OSBPL1A: variants seen among roughly 807,000 people sequenced by gnomAD.
The protein encoded by OSBPL1A is oxysterol binding protein like 1A.
In OSBPL1A, 80 loss-of-function variants were observed where a neutral mutation model predicts 137.1. The ratio of observed to expected loss-of-function variants is 0.58; its 90% CI spans 0.49 to 0.70. OSBPL1A has a LOEUF of 0.70. Among genes scored for constraint, OSBPL1A ranks in the 30% least tolerant of loss-of-function variants. The probability of loss-of-function intolerance (pLI) is 0.00; values close to 1 mark genes in which losing one functional copy is unlikely to be tolerated. For missense variants in OSBPL1A, 970 were observed against 1,129.4 expected (o/e 0.86, Z 2.02); for synonymous variants, 365 against 389.7 (o/e 0.94, Z 0.75).
chr18:24,326,219 G>A (rs1005267157), intron 7 of OSBPL1A, among the ~76,000 whole-genome samples: 3 of 152,166 alleles, frequency 2.0e-5, no homozygotes, highest in Non-Finnish European at 4.4e-5. Flanking sequence ...TGCTTCTGGG[G>A]ACAATGTGGA....
chr18:24,392,828 C>A (rs1378370853), intron 1 of OSBPL1A, among the ~76,000 whole-genome samples: 1 of 152,104 alleles, frequency 6.6e-6, no homozygotes, highest in Non-Finnish European at 1.5e-5. Flanking sequence ...GTAGCTGGGA[C>A]CACAGGTGCA....
intron 16 of OSBPL1A, among the ~76,000 whole-genome samples, chr18:24,235,099 A>G (rs2088421652): frequency 6.6e-6 from 1 of 152,184 alleles, no homozygotes; most frequent in African/African-American, 2.4e-5. Context: ...AAGTGCAATG[A>G]GAAACCACTG....
chr18:24,179,921 A>G, intron 19 of OSBPL1A, 86 bp from the exon 20 acceptor site: 1 of 989,270 alleles, frequency 1.0e-6, no homozygotes, highest in Non-Finnish European at 1.6e-6. Flanking sequence ...TGAAGACAGT[A>G]ATTTACAGAA....
At chr18:24,357,017 G>C (rs2091548154) in intron 4 of OSBPL1A, 1 of 152,212 alleles carries the variant, frequency 6.6e-6, no homozygotes, top group Admixed American at 6.5e-5. Flanking sequence ...ATGGACAAGA[G>C]TATACATGTA....
chr18:24,179,507 C>T (rs1440791642), intron 20 of OSBPL1A, among the ~76,000 whole-genome samples: 1 of 151,432 alleles, frequency 6.6e-6, no homozygotes, highest in Non-Finnish European at 1.5e-5. Flanking sequence ...GGTGATTAAT[C>T]CCATGTGATC....
chr18:24,284,070 T>C (rs1241177148), intron 14 of OSBPL1A, among the ~76,000 whole-genome samples: 1 of 152,192 alleles, frequency 6.6e-6, no homozygotes, highest in Non-Finnish European at 1.5e-5. Context: ...GACAAGCTAA[T>C]GTTAAAACAA....
At chr18:24,258,149 G>T (rs188574593) in intron 15 of OSBPL1A, among the ~76,000 whole-genome samples, 1 of 152,128 alleles carries the variant, frequency 6.6e-6, no homozygotes, top group Admixed American at 6.5e-5. Context: ...AGCAGTATAC[G>T]GAAGAGATAT....
At chr18:24,285,435 T>C (rs2090051658) in intron 14 of OSBPL1A, among the ~76,000 whole-genome samples, 1 of 152,230 alleles carries the variant, frequency 6.6e-6, no homozygotes. Flanking sequence ...TTTATATTAC[T>C]ATAGGTTGGT....
At chr18:24,358,290 G>A (rs185025227) in intron 4 of OSBPL1A, 10 of 595,982 alleles carry the variant, frequency 1.7e-5, no homozygotes, top group African/African-American at 1.5e-4. Flanking sequence ...GTGTATAAAG[G>A]CCTGGCTGCT....
chr18:24,333,084 G>A lies in OSBPL1A; in HGVS notation c.483C>T (p.Leu161=). 1 of 1,612,486 alleles carries A rather than the reference G, an allele frequency of 6.2e-7. No homozygotes were observed. Among genetic ancestry groups the A allele is most frequent in the Non-Finnish European group, 8.5e-7 (1 of 1,179,278 alleles). Reference sequence around the variant, plus strand: ...TAACATCAGGAGGATTGGGCCTGTTGAGCTAACAATTAAAAAAATGCAATG... The same window carrying A: ...TAACATCAGGAGGATTGGGCCTGTTAAGCTAACAATTAAAAAAATGCAATG... The part of the protein sequence containing the change: ...EGKTTELTAL[L]NRPNPPDVNC... Residue 161 remains leucine (L), a splice_region_variant and synonymous_variant, in exon 7 of 28, where the codon CTC becomes CTT. Coordinates refer to ENST00000319481, the MANE Select transcript of OSBPL1A (RefSeq NM_080597.4).
At chr18:24,220,275 GA>G (rs1347616158) in intron 17 of OSBPL1A, among the ~76,000 whole-genome samples, 1 of 152,188 alleles carries the variant, frequency 6.6e-6, no homozygotes, top group East Asian at 1.9e-4. Flanking sequence ...CTATTCCTCT[GA>G]AAGCTTCTCA....
chr18:24,310,061 GAAA>G (rs1204969640), intron 13 of OSBPL1A, among the ~76,000 whole-genome samples: 145 of 104,320 alleles, frequency 1.4e-3, no homozygotes, highest in Non-Finnish European at 2.4e-3. Context: ...AAAAAAAAAA[GAAA>G]AAAAAAAAAA....
At chr18:24,363,596 G>A (rs904118091) in intron 4 of OSBPL1A, among the ~76,000 whole-genome samples, 1 of 151,184 alleles carries the variant, frequency 6.6e-6, no homozygotes, top group African/African-American at 2.4e-5. Context: ...ACAGGAGTAT[G>A]CCACCACATC....
At chr18:24,250,423 G>A (rs1163135331) in intron 15 of OSBPL1A, among the ~76,000 whole-genome samples, 5 of 152,080 alleles carry the variant, frequency 3.3e-5, no homozygotes, top group Non-Finnish European at 5.9e-5. Flanking sequence ...TGATCCACCC[G>A]CCTCAGCCTC....
At chr18:24,277,202 T>C (rs1004981044) in intron 15 of OSBPL1A, among the ~76,000 whole-genome samples, 1 of 151,958 alleles carries the variant, frequency 6.6e-6, no homozygotes, top group Non-Finnish European at 1.5e-5. Flanking sequence ...ATCTCTGTAT[T>C]AAGGCACAGA....
At chr18:24,240,460 G>C (rs765587485) in intron 15 of OSBPL1A, among the ~76,000 whole-genome samples, 14 of 152,150 alleles carry the variant, frequency 9.2e-5, no homozygotes, top group Non-Finnish European at 1.6e-4. Flanking sequence ...TACTGGATTT[G>C]ATAGGGACAG....
At chr18:24,327,757 T>A (rs1485742963) in intron 7 of OSBPL1A, among the ~76,000 whole-genome samples, 1 of 152,164 alleles carries the variant, frequency 6.6e-6, no homozygotes, top group African/African-American at 2.4e-5. Flanking sequence ...CTGACTTTTG[T>A]CAAAAACAAA....
At chr18:24,339,682 C>T (rs1375857334) in intron 5 of OSBPL1A, among the ~76,000 whole-genome samples, 2 of 152,216 alleles carry the variant, frequency 1.3e-5, no homozygotes, top group Non-Finnish European at 2.9e-5. Context: ...GACAGTACCT[C>T]ATCCTCCCTA....
rs1346961832 is a variant in OSBPL1A, at chr18:24,341,757, A to C, written c.283-99T>G. ...AACTACTACAGAGTCTCCACAATAG[A>C]AAAAAGCACCAGGTGAGAATGTATC... On this transcript the variant is annotated intron_variant, in intron 4 of 27. Coordinates refer to ENST00000319481, the MANE Select transcript of OSBPL1A (RefSeq NM_080597.4). 4.4e-6 allele frequency: 3 copies of C among 675,202 alleles called. No homozygotes were observed. In the African/African-American group the frequency reaches 5.5e-5, roughly 12 times the overall value. 41.8% of individuals were successfully genotyped at this position (675,202 alleles called of 1,614,324 possible). A position where few individuals can be genotyped will look rare whatever the true frequency, so the allele number is the denominator to read the frequency against.
Sources: gnomAD v4.1 joint callset for allele counts (sites outside exome capture counted in the v4.1 genomes callset) on GRCh38, gnomAD v4.1.1 for gene constraint, MANE v1.5 for transcripts, NCBI Gene and HGNC (gene_info 2026-07-23, HGNC 2026-07-21) for gene names.